Variants in CCDC178 observed in about 807,000 individuals in gnomAD.
CCDC178 encodes coiled-coil domain containing 178.
Under a neutral mutation model 117.4 loss-of-function variants are expected in CCDC178, and 126 were observed. The ratio of observed to expected loss-of-function variants is 1.07; its 90% CI spans 0.93 to 1.24. The LOEUF (loss-of-function observed/expected upper bound fraction) is 1.24. Ranked by LOEUF, CCDC178 falls within the 50% of genes most tolerant of loss-of-function variation. The pLI, the probability that CCDC178 is intolerant of heterozygous loss-of-function variation, is 0.00. For missense variants in CCDC178, 1,030 were observed against 986.9 expected, an observed-to-expected ratio of 1.04 and a Z score of -0.59; for synonymous variants, 283 against 313.4, an observed-to-expected ratio of 0.90 and a Z score of 1.02.
At chr18:33,202,468 T>C (rs1424423673) in intron 20 of CCDC178, among the ~76,000 whole-genome samples, 1 of 143,864 alleles carries the variant, frequency 7.0e-6, no homozygotes, top group African/African-American at 2.6e-5. Flanking sequence ...GAAAATTCAG[T>C]CGTCAAAAGT....
intron 20 of CCDC178, among the ~76,000 whole-genome samples, chr18:33,137,384 C>T (rs2058141958): frequency 6.6e-6 from 1 of 151,996 alleles, no homozygotes; most frequent in Non-Finnish European, 1.5e-5. Flanking sequence ...AAAAAGAATA[C>T]CCTTAAATAG....
chr18:32,968,504 C>A (rs538638651), intron 22 of CCDC178, among the ~76,000 whole-genome samples: 1 of 152,032 alleles, frequency 6.6e-6, no homozygotes, highest in South Asian at 2.1e-4. Context: ...GTTTCATTTC[C>A]TTTGGCTATA....
At chr18:33,043,081 A>G (rs942781863) in intron 21 of CCDC178, among the ~76,000 whole-genome samples, 4 of 152,096 alleles carry the variant, frequency 2.6e-5, no homozygotes, top group African/African-American at 9.6e-5. Flanking sequence ...TCATTTGAAG[A>G]AAATACTGAA....
chr18:33,064,350 G>A (rs998983178), intron 21 of CCDC178, among the ~76,000 whole-genome samples: 2 of 152,076 alleles, frequency 1.3e-5, no homozygotes, highest in Admixed American at 6.5e-5. Flanking sequence ...GACAGATATC[G>A]TAAAAAGAAC....
chr18:33,147,940 G>A (rs758754847), intron 20 of CCDC178, among the ~76,000 whole-genome samples: 102 of 152,086 alleles, frequency 6.7e-4, no homozygotes, highest in East Asian at 2.3e-3. Flanking sequence ...CAGACGGGGC[G>A]GCCAGGCAGA....
chr18:33,325,465 A>G (rs962899259), intron 10 of CCDC178, among the ~76,000 whole-genome samples: 1 of 151,992 alleles, frequency 6.6e-6, no homozygotes, highest in African/African-American at 2.4e-5. Flanking sequence ...TAACTTATAT[A>G]TGTAATATTA....
intron 16 of CCDC178, among the ~76,000 whole-genome samples, chr18:33,226,343 G>T (rs1774261404): frequency 6.6e-6 from 1 of 152,144 alleles, no homozygotes; most frequent in African/African-American, 2.4e-5. Flanking sequence ...GCAGGTGGTA[G>T]ACAAAGATTT....
At chr18:33,129,646 CA>C (rs1165811385) in intron 20 of CCDC178, among the ~76,000 whole-genome samples, 26 of 146,426 alleles carry the variant, frequency 1.8e-4, no homozygotes, top group Middle Eastern at 3.5e-3. Flanking sequence ...AATGTTCCAG[CA>C]AAAAAAAAAT....
intron 20 of CCDC178, among the ~76,000 whole-genome samples, chr18:33,099,036 C>G (rs2057585601): frequency 6.6e-6 from 1 of 151,984 alleles, no homozygotes; most frequent in South Asian, 2.1e-4. Context: ...TAGTATATAT[C>G]TGAGCAAATT....
At chr18:33,436,959 T>C (rs2064300697) in intron 2 of CCDC178, among the ~76,000 whole-genome samples, 1 of 151,618 alleles carries the variant, frequency 6.6e-6, no homozygotes, top group African/African-American at 2.4e-5. Flanking sequence ...CTCTAGGTCC[T>C]TTTTCATGCA....
chr18:33,347,471 A>G (rs1241172393), intron 8 of CCDC178, among the ~76,000 whole-genome samples: 1 of 152,088 alleles, frequency 6.6e-6, no homozygotes, highest in East Asian at 1.9e-4. Context: ...CGGTTTCCCT[A>G]TTTTTAATGC....
chr18:32,943,300 A>G (rs2054278982), intron 22 of CCDC178, among the ~76,000 whole-genome samples: 1 of 152,222 alleles, frequency 6.6e-6, no homozygotes, highest in Non-Finnish European at 1.5e-5. Flanking sequence ...CAAGTATCCT[A>G]TTCCAGCCAG....
At chr18:32,990,077 T>C (rs1395787869) in intron 21 of CCDC178, among the ~76,000 whole-genome samples, 1 of 152,054 alleles carries the variant, frequency 6.6e-6, no homozygotes. Flanking sequence ...AAGAGTTGAG[T>C]AGGATATATA....
At chr18:33,378,847 G>T (rs2063397665) in intron 5 of CCDC178, among the ~76,000 whole-genome samples, 1 of 151,844 alleles carries the variant, frequency 6.6e-6, no homozygotes, top group East Asian at 1.9e-4. Context: ...CTAGTATTTT[G>T]TTGAGGATTT....
chr18:33,321,180 G>T (rs1044863847), intron 11 of CCDC178, among the ~76,000 whole-genome samples: 3 of 152,172 alleles, frequency 2.0e-5, no homozygotes, highest in Non-Finnish European at 4.4e-5. Flanking sequence ...ATAGGCATGG[G>T]CAAGGACTTC....
chr18:33,293,415 C>T (rs993853954), intron 11 of CCDC178, 103 bp from the exon 12 acceptor site: 3 of 609,670 alleles, frequency 4.9e-6, no homozygotes, highest in Admixed American at 3.9e-5. Flanking sequence ...AATCTCAGCA[C>T]TTTGGGAGGC....
chr18:33,258,876 T>G (rs1018346582), intron 14 of CCDC178, among the ~76,000 whole-genome samples: 2 of 152,132 alleles, frequency 1.3e-5, no homozygotes, highest in Admixed American at 1.3e-4. Flanking sequence ...AGATAAAAAT[T>G]ATTAATCTCT....
At chr18:33,096,359 T>C (rs1172564719) in intron 20 of CCDC178, among the ~76,000 whole-genome samples, 1 of 144,532 alleles carries the variant, frequency 6.9e-6, no homozygotes, top group Non-Finnish European at 1.5e-5. Flanking sequence ...TATATAAAAA[T>C]ATAAAATTTT....
At chr18:33,104,672 T>C (rs1195611730) in intron 20 of CCDC178, among the ~76,000 whole-genome samples, 1 of 151,718 alleles carries the variant, frequency 6.6e-6, no homozygotes, top group Non-Finnish European at 1.5e-5. Flanking sequence ...CTTTTACGTT[T>C]TTCCCACAAA....
Sources: allele counts gnomAD v4.1 joint callset (sites outside exome capture counted in the v4.1 genomes callset), GRCh38; gene constraint gnomAD v4.1.1; transcripts MANE v1.5; gene names NCBI Gene and HGNC (gene_info 2026-07-23, HGNC 2026-07-21).